OR6N1: variants seen among roughly 807,000 people sequenced by gnomAD.
The protein encoded by OR6N1 is olfactory receptor 6N1.
For synonymous variants in OR6N1, 170 were observed against 150.7 expected, an observed-to-expected ratio of 1.13 and a Z score of -0.94; for missense variants, 394 against 371.7, an observed-to-expected ratio of 1.06 and a Z score of -0.49.
At chr1:158,768,157 T>C (rs1334307260) in intron 1 of OR6N1, among the ~76,000 whole-genome samples, 2 of 152,154 alleles carry the variant, frequency 1.3e-5, no homozygotes, top group African/African-American at 2.4e-5. Flanking sequence ...TAATCTTTTT[T>C]TTTTCTCTTC....
At chr1:158,777,536 C>T in the OR6N1 span, 3 of 1,614,054 alleles carry the variant, frequency 1.9e-6, no homozygotes, top group Non-Finnish European at 2.5e-6. Context: ...AACAGGTATG[C>T]CAATAGCAGC....
the OR6N1 span, among the ~76,000 whole-genome samples, chr1:158,835,232 A>G: frequency 6.6e-6 from 1 of 152,188 alleles, no homozygotes; most frequent in Admixed American, 6.5e-5. Context: ...CCTTAACAGT[A>G]TCAAGTCTTC....
chr1:158,824,641 C>A, the OR6N1 span, among the ~76,000 whole-genome samples: 2 of 152,014 alleles, frequency 1.3e-5, no homozygotes, highest in Non-Finnish European at 2.9e-5. Flanking sequence ...TGGAATGTAA[C>A]AAACAGCTAA....
At position 158,765,732 on chromosome 1, in the gene OR6N1, C is replaced by T. The variant is rs374623487; in HGVS notation, c.*12G>A. The T allele has an allele frequency of 1.2e-5, 20 of 1,603,066 alleles. No homozygotes were observed. The highest frequency in any genetic ancestry group is 1.6e-5 in the Non-Finnish European group (19 of 1,171,618). On this transcript the variant is annotated 3_prime_UTR_variant, in exon 2 of 2. Coordinates refer to ENST00000641846, the MANE Select transcript of OR6N1 (RefSeq NM_001005185.2). ...TCCTCAGGCCCGGCCTTGGCCTACTCTCAGCCCCAACTCATGCCAATATCC... is the reference window on the plus strand; with the variant it reads ...TCCTCAGGCCCGGCCTTGGCCTACTTTCAGCCCCAACTCATGCCAATATCC...
At chr1:158,797,794 T>C in the OR6N1 span, among the ~76,000 whole-genome samples, 1 of 152,200 alleles carries the variant, frequency 6.6e-6, no homozygotes, top group Non-Finnish European at 1.5e-5. Context: ...GCTATCTTTG[T>C]AAAATGCACT....
the OR6N1 span, among the ~76,000 whole-genome samples, chr1:158,830,347 A>G: frequency 6.6e-6 from 1 of 152,064 alleles, no homozygotes; most frequent in Admixed American, 6.6e-5. Context: ...TGGGGTTTAG[A>G]CAGTTTCCAA....
At chr1:158,801,296 T>G in the OR6N1 span, among the ~76,000 whole-genome samples, 1 of 151,568 alleles carries the variant, frequency 6.6e-6, no homozygotes, top group South Asian at 2.1e-4. Context: ...AATGCCGGGG[T>G]TTTTTTCCCA....
At chr1:158,777,311 C>T in the OR6N1 span, 4 of 1,614,088 alleles carry the variant, frequency 2.5e-6, no homozygotes, top group South Asian at 3.3e-5. Flanking sequence ...CATTCAGACG[C>T]TCCCAAGGAG....
chr1:158,800,439 G>A, the OR6N1 span, among the ~76,000 whole-genome samples: 5 of 151,994 alleles, frequency 3.3e-5, no homozygotes, highest in African/African-American at 1.2e-4. Flanking sequence ...CTTTATTTAG[G>A]ATCCACCAAA....
At chr1:158,802,199 CTTTTTTT>C in the OR6N1 span, among the ~76,000 whole-genome samples, 25 of 105,208 alleles carry the variant, frequency 2.4e-4, no homozygotes, top group African/African-American at 7.5e-4. Flanking sequence ...CCTCATAGCA[CTTTTTTT>C]TTTTTTTTTT....
chr1:158,813,301 T>C, the OR6N1 span, among the ~76,000 whole-genome samples: 2 of 152,236 alleles, frequency 1.3e-5, no homozygotes, highest in Admixed American at 6.5e-5. Flanking sequence ...CATGAAATTA[T>C]GTATATACAC....
At chr1:158,816,191 G>A in the OR6N1 span, among the ~76,000 whole-genome samples, 1 of 151,070 alleles carries the variant, frequency 6.6e-6, no homozygotes, top group African/African-American at 2.4e-5. Flanking sequence ...TAACCATAAT[G>A]ATTGAAACCA....
the OR6N1 span, among the ~76,000 whole-genome samples, chr1:158,811,636 T>A: frequency 2.6e-5 from 4 of 152,194 alleles, no homozygotes; most frequent in Admixed American, 6.5e-5. Context: ...TGGAGAAGAA[T>A]ACATTTGCAT....
chr1:158,768,169 A>G (rs1387429591), intron 1 of OR6N1, among the ~76,000 whole-genome samples: 1 of 151,160 alleles, frequency 6.6e-6, no homozygotes, highest in African/African-American at 2.4e-5. Context: ...TTTCTCTTCT[A>G]TATAAACTCA....
At chr1:158,833,725 C>T in the OR6N1 span, among the ~76,000 whole-genome samples, 2 of 152,028 alleles carry the variant, frequency 1.3e-5, no homozygotes, top group African/African-American at 4.8e-5. Flanking sequence ...ACGTAAGAAA[C>T]CATATTTCTT....
rs1424915243 is a variant in OR6N1, at chr1:158,766,235, A to G, written c.448T>C (p.Leu150=). ...LCAEIAIGCW[L]GGLAGPVVEI... is the part of the protein sequence containing the mutation. ...ACTACTGGCCCAGCCAAGCCTCCCA[A>G]CCAACAGCCAATGGCAATCTCTGCA... Residue 150 remains leucine, a synonymous_variant, in exon 2 of 2, where the codon TTG becomes CTG. Coordinates refer to ENST00000641846, the MANE Select transcript of OR6N1 (RefSeq NM_001005185.2). 2 of 1,614,076 alleles carry G rather than the reference A, an allele frequency of 1.2e-6. No homozygotes were observed. The highest frequency in any genetic ancestry group is 8.5e-7 in the Non-Finnish European group (1 of 1,180,018).
chr1:158,810,057 A>C, the OR6N1 span, among the ~76,000 whole-genome samples: 2 of 152,180 alleles, frequency 1.3e-5, no homozygotes, highest in African/African-American at 2.4e-5. Context: ...AGGTTGAGCA[A>C]CTTTTTACTC....
At chr1:158,806,284 T>A in the OR6N1 span, among the ~76,000 whole-genome samples, 1 of 152,130 alleles carries the variant, frequency 6.6e-6, no homozygotes, top group Admixed American at 6.5e-5. Flanking sequence ...TATGACAAGA[T>A]AAATTTGGAC....
At chr1:158,789,664 G>C in the OR6N1 span, among the ~76,000 whole-genome samples, 889 of 151,888 alleles carry the variant, frequency 5.9e-3, 10 homozygotes, top group African/African-American at 0.02. Flanking sequence ...AGATTTTTTT[G>C]CCCATTTAAA....
Sources: gnomAD v4.1 joint callset for allele counts (sites outside exome capture counted in the v4.1 genomes callset) on GRCh38, gnomAD v4.1.1 for gene constraint, MANE v1.5 for transcripts, NCBI Gene and HGNC (gene_info 2026-07-23, HGNC 2026-07-21) for gene names.